WDR49: variants seen among roughly 807,000 people sequenced by gnomAD.
The protein encoded by WDR49 is WD repeat domain 49.
A neutral mutation model predicts 119.5 loss-of-function variants in WDR49; 107 were observed. The ratio of observed to expected loss-of-function variants is 0.90; its 90% CI spans 0.77 to 1.05. The LOEUF (loss-of-function observed/expected upper bound fraction) is 1.05. Ranked by LOEUF, WDR49 falls within the 50% of genes least tolerant of loss-of-function variation. The pLI, the probability that WDR49 is intolerant of heterozygous loss-of-function variation, is 0.00. For missense variants in WDR49, 1,240 were observed against 1,220.5 expected (o/e 1.02, Z -0.24); for synonymous variants, 425 against 418.8 (o/e 1.01, Z -0.18).
rs761352712 is a variant in WDR49 at position 167,575,926 on chromosome 3, A to G, written c.1501T>C (p.Leu501=). The G allele has an allele frequency of 7.4e-6, 12 of 1,613,980 alleles. No homozygotes were observed. The African/African-American group carries it at 1.1e-4, about 14-fold the overall frequency. Reference sequence around the variant, plus strand: ...AAAGAAAGCATCATTACCTGCTTCAAGATAGAATTGTAAAGAACACAAGTG... The same window carrying G: ...AAAGAAAGCATCATTACCTGCTTCAGGATAGAATTGTAAAGAACACAAGTG... The part of the protein sequence containing the change: ...AVTCVLYNSI[L]KQVISSDTGS... The change falls in exon 8 of 19, where the codon TTG becomes CTG. Residue 501 remains leucine, a synonymous_variant. Coordinates refer to ENST00000682715, the MANE Select transcript of WDR49 (RefSeq NM_001366157.1).
chr3:167,488,621 C>G (rs140991648), intron 18 of WDR49, among the ~76,000 whole-genome samples: 104 of 152,270 alleles, frequency 6.8e-4, no homozygotes, highest in Non-Finnish European at 1.3e-3. Flanking sequence ...CCTCAAGCCT[C>G]CAACTTCTTG....
chr3:167,600,887 A>C (rs1291991590), intron 7 of WDR49, among the ~76,000 whole-genome samples: 1 of 152,152 alleles, frequency 6.6e-6, no homozygotes, highest in Non-Finnish European at 1.5e-5. Context: ...AATTTGAAGG[A>C]GAAAAGCGGG....
intron 7 of WDR49, among the ~76,000 whole-genome samples, chr3:167,581,770 C>A (rs1319036572): frequency 6.6e-6 from 1 of 152,116 alleles, no homozygotes; most frequent in Non-Finnish European, 1.5e-5. Flanking sequence ...GATAGAAAAT[C>A]TATTTTCAGT....
intron 16 of WDR49, among the ~76,000 whole-genome samples, chr3:167,516,671 C>T (rs1443453476): frequency 1.3e-5 from 2 of 152,088 alleles, no homozygotes; most frequent in African/African-American, 2.4e-5. Context: ...TGAGGAATCG[C>T]CACACTGACT....
chr3:167,480,351 G>A (rs1750662405), intron 18 of WDR49, among the ~76,000 whole-genome samples: 1 of 149,772 alleles, frequency 6.7e-6, no homozygotes, highest in South Asian at 2.1e-4. Context: ...GTGAAAGAAA[G>A]TAAAGTGGAA....
intron 2 of WDR49, among the ~76,000 whole-genome samples, chr3:167,636,388 C>T (rs1413923659): frequency 6.6e-6 from 1 of 151,460 alleles, no homozygotes; most frequent in Non-Finnish European, 1.5e-5. Flanking sequence ...TCTTTATCCA[C>T]TTGTTGATTG....
intron 9 of WDR49, 89 bp downstream of exon 9, chr3:167,559,975 C>CA (rs1713163979): frequency 9.2e-6 from 13 of 1,419,364 alleles, no homozygotes; most frequent in South Asian, 1.7e-5. Flanking sequence ...ACCAAAAAGG[C>CA]AAAAAATGAG....
chr3:167,615,690 G>A (rs1403026610), intron 5 of WDR49, among the ~76,000 whole-genome samples: 1 of 152,000 alleles, frequency 6.6e-6, no homozygotes, highest in African/African-American at 2.4e-5. Context: ...AAGAAAAAAG[G>A]AAGAAGAAAA....
chr3:167,500,110 C>G (rs767384799), intron 18 of WDR49, 43 bp downstream of exon 18: 1 of 1,487,456 alleles, frequency 6.7e-7, no homozygotes, highest in South Asian at 1.5e-5. Context: ...GACTAAGTTT[C>G]CTGAAGAGGG....
intron 7 of WDR49, among the ~76,000 whole-genome samples, chr3:167,596,989 G>A (rs1560304793): frequency 6.7e-6 from 1 of 149,964 alleles, no homozygotes; most frequent in Non-Finnish European, 1.5e-5. Context: ...ATTTTTTAGG[G>A]AAAAATTCAA....
At chr3:167,539,920 C>CCA (rs201969474) in intron 10 of WDR49, among the ~76,000 whole-genome samples, 137 of 152,110 alleles carry the variant, frequency 9.0e-4, no homozygotes, top group African/African-American at 3.2e-3. Context: ...ATAATACCTA[C>CCA]CACGATAGGC....
intron 18 of WDR49, among the ~76,000 whole-genome samples, chr3:167,486,406 A>C (rs1750917646): frequency 6.6e-6 from 1 of 152,146 alleles, no homozygotes; most frequent in South Asian, 2.1e-4. Flanking sequence ...ACATACAAGT[A>C]CTAACCCTGA....
chr3:167,499,747 C>T (rs1157287198), intron 18 of WDR49, among the ~76,000 whole-genome samples: 6 of 152,124 alleles, frequency 3.9e-5, no homozygotes, highest in African/African-American at 9.7e-5. Flanking sequence ...CATTTTAAGT[C>T]GTCTCTATTT....
At chr3:167,620,674 T>C in intron 4 of WDR49, 71 bp from the exon 5 acceptor site, 4 of 1,407,744 alleles carry the variant, frequency 2.8e-6, no homozygotes, top group Non-Finnish European at 3.7e-6. Context: ...TAGGTTATTT[T>C]AGTTTAATAA....
At chr3:167,647,232 T>G (rs1718169284) in intron 2 of WDR49, among the ~76,000 whole-genome samples, 1 of 152,168 alleles carries the variant, frequency 6.6e-6, no homozygotes, top group Non-Finnish European at 1.5e-5. Flanking sequence ...TGTAACAAGC[T>G]TTTCTTGGTT....
chr3:167,562,236 T>C (rs1713309884), intron 8 of WDR49, among the ~76,000 whole-genome samples: 1 of 152,164 alleles, frequency 6.6e-6, no homozygotes, highest in Admixed American at 6.5e-5. Flanking sequence ...GTAAAGATAC[T>C]TCTTGCAGCA....
At chr3:167,495,676 C>T (rs1017870092) in intron 18 of WDR49, among the ~76,000 whole-genome samples, 3 of 151,286 alleles carry the variant, frequency 2.0e-5, no homozygotes, top group African/African-American at 4.9e-5. Context: ...AAAAAAGATG[C>T]ATTTGATAAA....
chr3:167,529,242 A>G lies in WDR49; in HGVS notation c.2219-3T>C. 6.4e-7 allele frequency: 1 copy of G among 1,568,520 alleles called. No individual in the cohort carries two copies. The highest frequency in any genetic ancestry group is 8.6e-7 in the Non-Finnish European group (1 of 1,163,890). ...ACATGATACCAGGTTAGCTCCTCCT[A>G]ACATGTAAGGGAAAAATCTAACTAG... On this transcript the variant is annotated splice_region_variant and splice_polypyrimidine_tract_variant and intron_variant, in intron 13 of 18. Coordinates refer to ENST00000682715, the MANE Select transcript of WDR49 (RefSeq NM_001366157.1).
chr3:167,576,524 A>G (rs767802705), intron 7 of WDR49, among the ~76,000 whole-genome samples: 1 of 152,182 alleles, frequency 6.6e-6, no homozygotes, highest in Non-Finnish European at 1.5e-5. Context: ...TGACTAAATT[A>G]GGGACTTTGA....
Sources: allele counts gnomAD v4.1 joint callset (sites outside exome capture counted in the v4.1 genomes callset), GRCh38; gene constraint gnomAD v4.1.1; transcripts MANE v1.5; gene names NCBI Gene and HGNC (gene_info 2026-07-23, HGNC 2026-07-21).